Variants in CERS3 observed in about 807,000 individuals in gnomAD.
CERS3 encodes the protein LAG1 homolog, ceramide synthase 3.
Under a neutral mutation model 50.3 loss-of-function variants are expected in CERS3, and 33 were observed. The ratio of observed to expected loss-of-function variants is 0.66; its 90% CI spans 0.50 to 0.88. The LOEUF is 0.88. CERS3 is among the 40% of genes least tolerant of loss of function. The pLI is 0.00. For synonymous variants in CERS3, 176 were observed against 155.2 expected (o/e 1.13, Z -0.99); for missense variants, 470 against 460.3 (o/e 1.02, Z -0.19).
chr15:100,495,490 A>C (rs2035783792), intron 3 of CERS3, among the ~76,000 whole-genome samples: 1 of 152,206 alleles, frequency 6.6e-6, no homozygotes, highest in South Asian at 2.1e-4. Context: ...ATTTTTGCTA[A>C]TCCAGTGCAT....
rs2587764 is a variant in CERS3, at chr15:100,479,924, T to A, written c.465+65A>T. The A allele has an allele frequency of 0.26, 317,931 of 1,211,868 alleles. 43,661 individuals are homozygous for A. Among genetic ancestry groups the A allele is most frequent in the East Asian group, 0.37 (15,839 of 42,700 alleles). 75.1% of individuals were successfully genotyped at this position (1,211,868 alleles called of 1,614,324 possible). A position where few individuals can be genotyped will look rare whatever the true frequency, so the allele number is the denominator to read the frequency against. On this transcript the variant is annotated intron_variant, in intron 6 of 11. Transcript: ENST00000679737. ...TTGAAAGTACTATACCCTAAAGGAA[T>A]TCACAGACAAGAATTTCAAAAATTA...
chr15:100,501,556 C>CTGTTG, intron 3 of CERS3, 121 bp downstream of exon 3: 1 of 774,178 alleles, frequency 1.3e-6, no homozygotes, highest in East Asian at 2.7e-5. Flanking sequence ...GAATCTGTGG[C>CTGTTG]CCATTAGTGG....
intron 2 of CERS3, among the ~76,000 whole-genome samples, chr15:100,509,106 A>C (rs2036265794): frequency 6.6e-6 from 1 of 152,166 alleles, no homozygotes; most frequent in African/African-American, 2.4e-5. Context: ...AAAAGTTTCC[A>C]AGAAGACAAT....
At chr15:100,462,235 G>C (rs1035244305) in intron 10 of CERS3, among the ~76,000 whole-genome samples, 1 of 152,182 alleles carries the variant, frequency 6.6e-6, no homozygotes, top group African/African-American at 2.4e-5. Context: ...CATGCCCTTG[G>C]ATTGCAAAAC....
intron 11 of CERS3, among the ~76,000 whole-genome samples, chr15:100,431,874 C>G (rs1169434588): frequency 6.6e-6 from 1 of 152,188 alleles, no homozygotes; most frequent in Non-Finnish European, 1.5e-5. Context: ...GCTAGCAACA[C>G]AGCAGTAACA....
At chr15:100,430,286 T>C (rs1392607218) in intron 11 of CERS3, among the ~76,000 whole-genome samples, 3 of 150,922 alleles carry the variant, frequency 2.0e-5, no homozygotes, top group African/African-American at 7.3e-5. Context: ...CACTCCAGCC[T>C]GGACGACAGA....
chr15:100,471,372 C>T (rs945470521), intron 9 of CERS3, among the ~76,000 whole-genome samples: 6 of 152,072 alleles, frequency 3.9e-5, no homozygotes, highest in Non-Finnish European at 5.9e-5. Flanking sequence ...GTGATTTGTC[C>T]AAGTTACTTA....
chr15:100,435,442 C>T (rs1439604658), intron 11 of CERS3, among the ~76,000 whole-genome samples: 3 of 152,048 alleles, frequency 2.0e-5, no homozygotes, highest in African/African-American at 7.3e-5. Context: ...GAAACTGGAC[C>T]CCTTCCTTAC....
At chr15:100,438,467 T>C (rs1387496882) in intron 11 of CERS3, among the ~76,000 whole-genome samples, 3 of 152,222 alleles carry the variant, frequency 2.0e-5, no homozygotes, top group African/African-American at 7.2e-5. Flanking sequence ...CATACAAGTA[T>C]TTTAAACTAA....
chr15:100,447,771 A>G (rs1243529523), intron 11 of CERS3, among the ~76,000 whole-genome samples: 1 of 152,202 alleles, frequency 6.6e-6, no homozygotes, highest in Non-Finnish European at 1.5e-5. Context: ...GACATTCTGT[A>G]TGCTATAGTT....
chr15:100,404,138 A>G (rs2030790406), intron 11 of CERS3, among the ~76,000 whole-genome samples: 1 of 152,194 alleles, frequency 6.6e-6, no homozygotes, highest in Non-Finnish European at 1.5e-5. Flanking sequence ...CAAAGAACAG[A>G]TGCTCCTCTA....
At chr15:100,484,075 C>T (rs530000720) in intron 5 of CERS3, among the ~76,000 whole-genome samples, 9 of 152,052 alleles carry the variant, frequency 5.9e-5, no homozygotes, top group East Asian at 1.9e-4. Context: ...TCATGAGCCA[C>T]GCCACACAGA....
At chr15:100,473,294 T>G (rs555101236) in intron 8 of CERS3, among the ~76,000 whole-genome samples, 4 of 152,308 alleles carry the variant, frequency 2.6e-5, no homozygotes, top group Non-Finnish European at 5.9e-5. Context: ...ACACACACAC[T>G]GCCCCCCAAC....
chr15:100,452,135 C>T (rs1405355489), intron 11 of CERS3, among the ~76,000 whole-genome samples: 1 of 150,498 alleles, frequency 6.6e-6, no homozygotes, highest in Non-Finnish European at 1.5e-5. Flanking sequence ...ACCTAACAGA[C>T]TTTTACAGAA....
chr15:100,472,824 G>C, intron 9 of CERS3, 100 bp downstream of exon 9: 1 of 1,418,414 alleles, frequency 7.1e-7, no homozygotes, highest in Non-Finnish European at 9.9e-7. Context: ...GTGTTTTCAG[G>C]ACACAGAGCT....
At chr15:100,502,251 GAAAAA>G (rs58654483) in intron 2 of CERS3, among the ~76,000 whole-genome samples, 1 of 113,698 alleles carries the variant, frequency 8.8e-6, no homozygotes, top group Non-Finnish European at 1.7e-5. Flanking sequence ...CTCAAAAAAA[GAAAAA>G]AAAAAAAAAA....
intron 2 of CERS3, among the ~76,000 whole-genome samples, chr15:100,514,865 A>C (rs2036448066): frequency 6.6e-6 from 1 of 152,240 alleles, no homozygotes; most frequent in Non-Finnish European, 1.5e-5. Flanking sequence ...AACTTTTAAA[A>C]TATTGTTATC....
At chr15:100,532,246 A>G (rs775848862), upstream of CERS3, among the ~76,000 whole-genome samples, 11 of 152,126 alleles carry the variant, frequency 7.2e-5, no homozygotes, top group Non-Finnish European at 1.5e-4. Flanking sequence ...TCCTTAACCT[A>G]ATTTCGTAGA....
chr15:100,515,982 CA>C (rs2036477326), intron 2 of CERS3, among the ~76,000 whole-genome samples: 2 of 152,160 alleles, frequency 1.3e-5, no homozygotes, highest in African/African-American at 4.8e-5. Flanking sequence ...GTGTCGGGCA[CA>C]AGTGACTGGT....
Sources: allele counts gnomAD v4.1 joint callset (sites outside exome capture counted in the v4.1 genomes callset), GRCh38; gene constraint gnomAD v4.1.1; transcripts MANE v1.5; gene names NCBI Gene and HGNC (gene_info 2026-07-23, HGNC 2026-07-21).